Variants in VPS52 observed in about 807,000 individuals in gnomAD.
VPS52 encodes the protein vacuolar protein sorting-associated protein 52 homolog.
Under a neutral mutation model 98.7 loss-of-function variants are expected in VPS52, and 56 were observed. The observed-to-expected ratio is 0.57, with a 90% confidence interval of 0.46 to 0.71. The LOEUF (loss-of-function observed/expected upper bound fraction) is 0.71. Ranked by LOEUF, VPS52 falls within the 30% of genes least tolerant of loss-of-function variation. The pLI, the probability that VPS52 is intolerant of heterozygous loss-of-function variation, is 0.00. For synonymous variants in VPS52, 348 were observed against 346.4 expected, an observed-to-expected ratio of 1.00 and a Z score of -0.05; for missense variants, 742 against 925.9, an observed-to-expected ratio of 0.80 and a Z score of 2.58.
Position 33,268,259 on chromosome 6 carries a change from T to A in VPS52, c.700-51A>T, listed in dbSNP as rs747942780. The A allele has an allele frequency of 6.3e-7, 1 of 1,580,006 alleles. No homozygotes were observed. Among genetic ancestry groups the A allele is most frequent in the Admixed American group, 1.7e-5 (1 of 59,874 alleles). ...GCATGAAGCTGCAACCCTTTTGCTG[T>A]ATGAGAGGAACTGGGGGAAGCAACA... On this transcript the variant is annotated intron_variant, in intron 7 of 19. Coordinates refer to ENST00000445902, the MANE Select transcript of VPS52 (RefSeq NM_022553.6). This position sits in a 1 kb window ranked among gnomAD's most constrained non-coding sequence, Gnocchi z 4.0.
intron 17 of VPS52, among the ~76,000 whole-genome samples, chr6:33,262,456 T>C (rs1763744234): frequency 6.6e-6 from 1 of 152,152 alleles, no homozygotes; most frequent in Non-Finnish European, 1.5e-5. Flanking sequence ...TGGAGAACAG[T>C]TTGAAGGTTG....
rs1764415971 is a variant in VPS52, at chr6:33,267,073, T to A, written c.1125+115A>T. The A allele has an allele frequency of 7.2e-7, 1 of 1,385,336 alleles. No individual in the cohort carries two copies. Among genetic ancestry groups the A allele is most frequent in the Non-Finnish European group, 9.5e-7 (1 of 1,051,816 alleles). The allele number at this position is 1,385,336 out of a possible 1,614,324, so 85.8% of individuals were successfully genotyped here. On this transcript the variant is annotated intron_variant, in intron 11 of 19. Transcript: ENST00000445902. This position sits in a 1 kb window ranked among gnomAD's most constrained non-coding sequence, Gnocchi z 4.2. ...GTGATTGGAGAAGGCCACTCCCAAG[T>A]CTAAGGGGATTAAGACAGGGCCTGC...
Position 33,264,107 on chromosome 6 carries a change from G to A in VPS52, c.1525-4C>T. 2 of 1,613,636 alleles carry A rather than the reference G, an allele frequency of 1.2e-6. No homozygotes were observed. The highest frequency in any genetic ancestry group is 1.7e-6 in the Non-Finnish European group (2 of 1,179,858). Reference sequence around the variant, plus strand: ...ACTCTGCATAGCGGCGTGTGATCTAGGAGAGAGTGGGAAGGAAAATCACAC... The same window carrying A: ...ACTCTGCATAGCGGCGTGTGATCTAAGAGAGAGTGGGAAGGAAAATCACAC... On this transcript the variant is annotated splice_polypyrimidine_tract_variant and splice_region_variant and intron_variant, in intron 14 of 19. Coordinates refer to ENST00000445902, the MANE Select transcript of VPS52 (RefSeq NM_022553.6).
rs144484912 is a variant in VPS52, at chr6:33,264,722, G to A, written c.1400+60C>T. 353 of 1,524,306 alleles carry A rather than the reference G, an allele frequency of 2.3e-4. 2 individuals carry two copies. In the East Asian group the frequency reaches 7.0e-3, roughly 30 times the overall value. 94.4% of individuals were successfully genotyped at this position (1,524,306 alleles called of 1,614,324 possible). A position where few individuals can be genotyped will look rare whatever the true frequency, so the allele number is the denominator to read the frequency against. On this transcript the variant is annotated intron_variant, in intron 13 of 19. Transcript: ENST00000445902. ...AGTAGGAGTCTAAGGTCAGGGCAGA[G>A]TCATGCAAGACCAAGAGAGTTCGTG... is the stretch of plus-strand genomic sequence containing the variant.
At chr6:33,252,131 T>C (rs1231415402) in intron 17 of VPS52, among the ~76,000 whole-genome samples, 160 bp from the exon 18 acceptor site, 1 of 152,226 alleles carries the variant, frequency 6.6e-6, no homozygotes, top group African/African-American at 2.4e-5. Context: ...AATCCTAATT[T>C]TGGCCCATAC....
intron 1 of VPS52, 162 bp downstream of exon 1, chr6:33,271,424 C>G (rs1445175906): frequency 9.6e-7 from 1 of 1,037,384 alleles, no homozygotes. Context: ...CACTAGGGTC[C>G]CGCTCAGGGT....
intron 17 of VPS52, among the ~76,000 whole-genome samples, chr6:33,258,492 T>C (rs1208053388): frequency 1.4e-5 from 2 of 140,144 alleles, no homozygotes; most frequent in East Asian, 4.5e-4. Context: ...AAAAGATACA[T>C]ACTAAAAGAT....
chr6:33,255,257 G>A (rs951344516), intron 17 of VPS52, among the ~76,000 whole-genome samples: 2 of 152,082 alleles, frequency 1.3e-5, no homozygotes, highest in South Asian at 2.1e-4. Flanking sequence ...TACGTAGTAT[G>A]AAGCAGCAGC....
chr6:33,258,063 A>G (rs1454255711), intron 17 of VPS52, among the ~76,000 whole-genome samples: 2 of 152,040 alleles, frequency 1.3e-5, no homozygotes, highest in African/African-American at 4.8e-5. Flanking sequence ...TCATATTAAA[A>G]TTACAAATTT....
At chr6:33,269,411 C>A (rs1764726266) in intron 5 of VPS52, 79 bp downstream of exon 5, 18 of 1,580,258 alleles carry the variant, frequency 1.1e-5, no homozygotes, top group Non-Finnish European at 1.6e-5. Context: ...CATCTTGAGG[C>A]TGATGACCTA....
intron 14 of VPS52, 108 bp from the exon 15 acceptor site, chr6:33,264,211 T>C: frequency 6.5e-7 from 1 of 1,539,126 alleles, no homozygotes; most frequent in Non-Finnish European, 8.9e-7. Flanking sequence ...CTACCTTCAG[T>C]CCCTCCTACC....
intron 17 of VPS52, among the ~76,000 whole-genome samples, chr6:33,256,463 C>CAAA (rs9280385): frequency 1.4e-4 from 12 of 83,744 alleles, no homozygotes; most frequent in Non-Finnish European, 2.5e-4. Flanking sequence ...AAACCTGTCT[C>CAAA]AAAAAAAAAA....
intron 1 of VPS52, chr6:33,271,255 C>T (rs1765023646): frequency 4.9e-6 from 3 of 607,124 alleles, no homozygotes; most frequent in African/African-American, 3.7e-5. Flanking sequence ...AGCTGGTTAA[C>T]TTGCCCAAGG....
chr6:33,270,059 T>C lies in VPS52; in HGVS notation c.176-8A>G, dbSNP rs945455674. 16 of 1,614,158 alleles carry C rather than the reference T, an allele frequency of 9.9e-6. No homozygotes were observed. The highest frequency in any genetic ancestry group is 1.3e-5 in the Non-Finnish European group (15 of 1,180,010). On this transcript the variant is annotated splice_polypyrimidine_tract_variant and splice_region_variant and intron_variant, in intron 2 of 19. Coordinates refer to ENST00000445902, the MANE Select transcript of VPS52 (RefSeq NM_022553.6). ...GATTTGCCTGAATGTGAACTGGAAATAGAAGTTTATCATAAGGGTCCAGCT... is the reference window on the plus strand; with the variant it reads ...GATTTGCCTGAATGTGAACTGGAAACAGAAGTTTATCATAAGGGTCCAGCT...
intron 1 of VPS52, 119 bp downstream of exon 1, chr6:33,271,467 C>T: frequency 7.0e-7 from 1 of 1,431,290 alleles, no homozygotes; most frequent in Non-Finnish European, 9.6e-7. Context: ...TACGGGGAGC[C>T]AAACAGGTAA....
chr6:33,261,420 C>T (rs1433188550), intron 17 of VPS52, among the ~76,000 whole-genome samples: 1 of 151,080 alleles, frequency 6.6e-6, no homozygotes, highest in Non-Finnish European at 1.5e-5. Flanking sequence ...TGAGCCAATA[C>T]TGCACCACTG....
At chr6:33,252,526 T>C (rs1205530035) in intron 17 of VPS52, among the ~76,000 whole-genome samples, 3 of 145,382 alleles carry the variant, frequency 2.1e-5, no homozygotes, top group African/African-American at 7.8e-5. Context: ...GAGGCGGAGG[T>C]TGCAGTGAGC....
chr6:33,263,157 AG>A (rs922331085), intron 17 of VPS52, among the ~76,000 whole-genome samples: 27 of 149,956 alleles, frequency 1.8e-4, no homozygotes, highest in African/African-American at 5.7e-4. Context: ...CCAGCTACCC[AG>A]GGGGCTAAGG....
rs1156358403 is a variant in VPS52, at chr6:33,270,249, A to T, written c.125T>A (p.Leu42His). Residue 42 changes from leucine to histidine, a missense_variant, in exon 2 of 20, where the codon CTT (leucine) becomes CAT (histidine). Around this residue, in one of 2 missense-constraint regions of VPS52, gnomAD observed 152 missense variants for 132.6 expected, o/e 1.15. Coordinates refer to ENST00000445902, the MANE Select transcript of VPS52 (RefSeq NM_022553.6). ...ATCAGAAGTGATATCCAACTCCCCA[A>T]GTTGCAGTGGTTCCTGGAGCCCAGG... ...GGPGLQEPLQ[L>H]GELDITSDEF... 6.2e-7 allele frequency: 1 copy of T among 1,613,234 alleles called. No homozygotes were observed. Among genetic ancestry groups the T allele is most frequent in the Non-Finnish European group, 8.5e-7 (1 of 1,179,352 alleles).
Sources: gnomAD v4.1 joint callset for allele counts (sites outside exome capture counted in the v4.1 genomes callset) on GRCh38, gnomAD v4.1.1 for gene constraint, gnomAD v4.1.1 regional missense constraint, Gnocchi (gnomAD v3.1) non-coding constraint, MANE v1.5 for transcripts, NCBI Gene and HGNC (gene_info 2026-07-23, HGNC 2026-07-21) for gene names.